Variants in PRSS23 observed in about 807,000 individuals in gnomAD.
PRSS23 encodes protease, serine 23.
Under a neutral mutation model 34.7 loss-of-function variants are expected in PRSS23, and 25 were observed. The ratio of observed to expected loss-of-function variants is 0.72; its 90% CI spans 0.53 to 1.01. PRSS23 has a LOEUF of 1.01. Ranked by LOEUF, PRSS23 falls within the 50% of genes least tolerant of loss-of-function variation. PRSS23 has a pLI of 0.00. For missense variants in PRSS23, 445 were observed against 475.6 expected (o/e 0.94, Z 0.60); for synonymous variants, 176 against 186.6 (o/e 0.94, Z 0.46).
At chr11:86,932,507 C>A (rs1029226090) in intron 2 of PRSS23, among the ~76,000 whole-genome samples, 3 of 151,910 alleles carry the variant, frequency 2.0e-5, no homozygotes, top group Non-Finnish European at 4.4e-5. Flanking sequence ...CCTCTGACTG[C>A]AGACAGGTTT....
intron 2 of PRSS23, among the ~76,000 whole-genome samples, chr11:86,939,422 A>ATTTTT (rs1395492928): frequency 4.5e-5 from 4 of 88,720 alleles, no homozygotes; most frequent in African/African-American, 1.1e-4. Flanking sequence ...ATATATATAT[A>ATTTTT]TATATTTTTT....
At chr11:86,912,878 T>C (rs1000284752) in intron 2 of PRSS23, among the ~76,000 whole-genome samples, 2 of 152,228 alleles carry the variant, frequency 1.3e-5, no homozygotes, top group African/African-American at 2.4e-5. Flanking sequence ...GTAAGGACTC[T>C]GTCTTTTGTT....
intron 2 of PRSS23, among the ~76,000 whole-genome samples, chr11:86,916,122 C>T (rs1367592333): frequency 1.3e-5 from 2 of 151,894 alleles, no homozygotes; most frequent in South Asian, 2.1e-4. Flanking sequence ...AGTTATATGA[C>T]CAGACCAGAA....
intron 2 of PRSS23, among the ~76,000 whole-genome samples, chr11:86,912,747 C>G (rs189677239): frequency 1.3e-5 from 2 of 152,260 alleles, no homozygotes; most frequent in African/African-American, 4.8e-5. Context: ...TCAACTAATT[C>G]CAACATATGG....
intron 2 of PRSS23, among the ~76,000 whole-genome samples, chr11:86,833,841 G>T (rs548638133): frequency 1.2e-4 from 19 of 152,238 alleles, no homozygotes; most frequent in African/African-American, 3.6e-4. Context: ...CCCAAGTACT[G>T]TTGGGGAGGT....
intron 2 of PRSS23, among the ~76,000 whole-genome samples, chr11:86,887,826 C>CA (rs2134968337): frequency 6.6e-6 from 1 of 152,118 alleles, no homozygotes; most frequent in South Asian, 2.1e-4. Context: ...CCGAGGTGGG[C>CA]AGATCACCTG....
chr11:86,893,521 G>A (rs1042236169), intron 2 of PRSS23, among the ~76,000 whole-genome samples: 1 of 152,074 alleles, frequency 6.6e-6, no homozygotes, highest in African/African-American at 2.4e-5. Flanking sequence ...TGATGACTGA[G>A]AAAAAAATCT....
At chr11:86,800,422 A>C (rs75598148), upstream of PRSS23, 71,799 of 979,148 alleles carry the variant, frequency 0.073, 2,812 homozygotes, top group Middle Eastern at 0.11. Context: ...GGCACGGTTT[A>C]TGTGCAGTGG....
chr11:86,938,255 T>G (rs372916448), intron 2 of PRSS23, among the ~76,000 whole-genome samples: 2 of 152,186 alleles, frequency 1.3e-5, no homozygotes, highest in African/African-American at 4.8e-5. Context: ...TAATGTAATA[T>G]AACACATGCA....
At chr11:86,832,083 A>G (rs1462247719) in intron 2 of PRSS23, among the ~76,000 whole-genome samples, 1 of 151,928 alleles carries the variant, frequency 6.6e-6, no homozygotes, top group African/African-American at 2.4e-5. Context: ...CCATGTATGT[A>G]CACCCCCTGT....
At chr11:86,864,203 G>T (rs1002740165) in intron 2 of PRSS23, among the ~76,000 whole-genome samples, 2 of 151,044 alleles carry the variant, frequency 1.3e-5, no homozygotes, top group African/African-American at 4.9e-5. Flanking sequence ...AGCCCATGAT[G>T]GTGATTATTT....
At chr11:86,911,020 A>G (rs1048217022) in intron 2 of PRSS23, 1 of 152,150 alleles carries the variant, frequency 6.6e-6, no homozygotes, top group Non-Finnish European at 1.5e-5. Flanking sequence ...AGTAAAAATA[A>G]TAAGTTATTT....
At chr11:86,830,263 G>A (rs1273549299) in intron 2 of PRSS23, among the ~76,000 whole-genome samples, 1 of 152,194 alleles carries the variant, frequency 6.6e-6, no homozygotes, top group African/African-American at 2.4e-5. Flanking sequence ...CTAGCAATCA[G>A]CGAGACTCCA....
At chr11:86,907,566 C>A (rs189681918) in intron 2 of PRSS23, among the ~76,000 whole-genome samples, 120 of 152,106 alleles carry the variant, frequency 7.9e-4, no homozygotes, top group Non-Finnish European at 1.2e-3. Context: ...CTCTAGCAGT[C>A]CCCCCATCTT....
chr11:86,870,969 A>C (rs1259662756), intron 2 of PRSS23, among the ~76,000 whole-genome samples: 1 of 152,148 alleles, frequency 6.6e-6, no homozygotes, highest in East Asian at 1.9e-4. Flanking sequence ...TAACTCCTAC[A>C]TCCATGTCAT....
At chr11:86,915,890 A>G (rs1356320415) in intron 2 of PRSS23, among the ~76,000 whole-genome samples, 1 of 151,830 alleles carries the variant, frequency 6.6e-6, no homozygotes, top group East Asian at 1.9e-4. Context: ...GTCTCTACTA[A>G]AAAAATACAA....
chr11:86,862,522 G>A (rs1020676577), intron 2 of PRSS23, among the ~76,000 whole-genome samples: 8 of 151,894 alleles, frequency 5.3e-5, no homozygotes, highest in Non-Finnish European at 1.2e-4. Flanking sequence ...TATCCTAAGA[G>A]TATGTTATTC....
At position 86,807,695 on chromosome 11, in the gene PRSS23, G is replaced by T. The variant is rs1391694807; in HGVS notation, c.52G>T (p.Val18Phe). ...LFLLFFLLCA[V>F]GQVSPYSAPW... ...CCTTCTCTTCTTTCTGCTCTGTGCT[G>T]TTGGGCAAGTGAGCCCTTACAGTGC... Residue 18 changes from valine (V) to phenylalanine (F), a missense_variant, in exon 2 of 2, where the codon GTT (valine) becomes TTT (phenylalanine). Transcript: ENST00000280258. 1.9e-6 allele frequency: 3 copies of T among 1,613,952 alleles called. No individual in the cohort carries two copies. The highest frequency in any genetic ancestry group is 1.7e-6 in the Non-Finnish European group (2 of 1,180,006).
intron 2 of PRSS23, among the ~76,000 whole-genome samples, chr11:86,888,025 C>G (rs1948815622): frequency 6.7e-6 from 1 of 150,206 alleles, no homozygotes; most frequent in Non-Finnish European, 1.5e-5. Context: ...GCACTCCAGC[C>G]TAGGTAACAA....
Sources: allele counts gnomAD v4.1 joint callset (sites outside exome capture counted in the v4.1 genomes callset), GRCh38; gene constraint gnomAD v4.1.1; transcripts MANE v1.5; gene names NCBI Gene and HGNC (gene_info 2026-07-23, HGNC 2026-07-21).